The following SNX29 variants were observed in gnomAD, a reference collection of about 807,000 sequenced individuals.
The protein encoded by SNX29 is sorting nexin-29.
A neutral mutation model predicts 102.1 loss-of-function variants in SNX29; 78 were observed. The observed-to-expected ratio is 0.76, with a 90% CI of 0.64 to 0.92. The LOEUF (loss-of-function observed/expected upper bound fraction) is 0.92, where lower values mean the gene tolerates loss of function less well. Among genes scored for constraint, SNX29 ranks in the 40% least tolerant of loss-of-function variants. SNX29 has a pLI of 0.00. For missense variants in SNX29, 1,280 were observed against 1,061.7 expected, an observed-to-expected ratio of 1.21 and a Z score of -2.86; for synonymous variants, 580 against 414.5, an observed-to-expected ratio of 1.40 and a Z score of -4.85.
At chr16:12,285,737 C>A (rs987415110) in intron 15 of SNX29, among the ~76,000 whole-genome samples, 1 of 152,280 alleles carries the variant, frequency 6.6e-6, no homozygotes, top group Middle Eastern at 3.4e-3. Flanking sequence ...ATAAGAGCAG[C>A]ATGGGCTTTT....
chr16:12,042,254 C>T (rs1009005695), intron 4 of SNX29, among the ~76,000 whole-genome samples: 2 of 152,186 alleles, frequency 1.3e-5, no homozygotes, highest in African/African-American at 4.8e-5. Flanking sequence ...TGGTCTTGAA[C>T]TCCTAGCCTC....
intron 19 of SNX29, among the ~76,000 whole-genome samples, chr16:12,492,902 G>A (rs1224534224): frequency 1.3e-5 from 2 of 152,134 alleles, no homozygotes; most frequent in African/African-American, 4.8e-5. Flanking sequence ...TTCTGTTTTG[G>A]TACCAGTAAA....
At chr16:12,464,165 T>C (rs969528810) in intron 18 of SNX29, among the ~76,000 whole-genome samples, 1 of 151,606 alleles carries the variant, frequency 6.6e-6, no homozygotes, top group African/African-American at 2.4e-5. Flanking sequence ...CCCCTCCAGG[T>C]TTATCCATGT....
Position 12,075,898 on chromosome 16 carries a change from C to T in SNX29, c.1320-2935C>T, listed in dbSNP as rs551700338. 4.6e-5 allele frequency among the ~76,000 whole-genome samples: 7 copies of T among 152,350 alleles called. No homozygotes were observed. In the East Asian group the frequency reaches 5.8e-4, roughly 13 times the overall value. ...GGTGCCCCTCCACCAGCCTCGCTGC[C>T]GCCTTGCAGTTTGATCTCAGACTGC... On this transcript the variant is annotated intron_variant, in intron 10 of 20. Coordinates refer to ENST00000566228, the MANE Select transcript of SNX29 (RefSeq NM_032167.5).
chr16:12,432,014 G>C (rs2085337026), intron 18 of SNX29, among the ~76,000 whole-genome samples: 1 of 152,222 alleles, frequency 6.6e-6, no homozygotes, highest in African/African-American at 2.4e-5. Flanking sequence ...AGGAGTGCAG[G>C]CTTAATAAAC....
chr16:12,371,985 A>G (rs569097959), intron 16 of SNX29, among the ~76,000 whole-genome samples: 1 of 152,306 alleles, frequency 6.6e-6, no homozygotes, highest in South Asian at 2.1e-4. Context: ...AGTTATATAA[A>G]TAATATAAAA....
At chr16:12,086,742 T>G (rs574437115) in intron 11 of SNX29, 2 of 151,882 alleles carry the variant, frequency 1.3e-5, no homozygotes, top group South Asian at 4.2e-4. Flanking sequence ...TGAAGAAAAA[T>G]TTTCTTTTTA....
At chr16:12,089,100 A>G (rs981912080) in intron 11 of SNX29, among the ~76,000 whole-genome samples, 2 of 151,344 alleles carry the variant, frequency 1.3e-5, no homozygotes, top group African/African-American at 4.9e-5. Context: ...AGAAAGAAAG[A>G]AAGAGAGGAG....
chr16:12,431,434 C>CTTCTTTTTTTTTTTTTTTTTTTT (rs779738786), intron 18 of SNX29, among the ~76,000 whole-genome samples: 10 of 136,954 alleles, frequency 7.3e-5, no homozygotes, highest in African/African-American at 1.6e-4. Context: ...TCTTCTTCTT[C>CTTCTTTTTTTTTTTTTTTTTTTT]TTTTTTTTTT....
chr16:12,468,169 CTTTTTTTTTTTTTTT>C (rs59089512), intron 18 of SNX29, among the ~76,000 whole-genome samples: 10 of 92,662 alleles, frequency 1.1e-4, no homozygotes, highest in African/African-American at 4.1e-4. Flanking sequence ...ACTCTGACTC[CTTTTTTTTTTTTTTT>C]TTTTTTTTTT....
At position 12,149,894 on chromosome 16, in the gene SNX29, A is replaced by C. The variant is rs1023955311; in HGVS notation, c.1595+20136A>C. On this transcript the variant is annotated intron_variant, in intron 13 of 20. Transcript: ENST00000566228. ...ATCCTTCTGGAAGTTCCCAGAGTGC[A>C]CTCCAGTTAGAACAGTTTGTGCCAA... is the stretch of plus-strand genomic sequence containing the variant. Among the ~76,000 whole-genome samples, 4 of 152,066 alleles carry C rather than the reference A, an allele frequency of 2.6e-5. No individual in the cohort carries two copies. In the East Asian group the frequency reaches 7.7e-4, roughly 29 times the overall value.
At position 12,290,044 on chromosome 16, in the gene SNX29, G is replaced by T. The variant is rs556188479; in HGVS notation, c.1782+12008G>T. Among the ~76,000 whole-genome samples the T allele has an allele frequency of 2.0e-5, 3 of 152,206 alleles. No individual in the cohort carries two copies. In the East Asian group the frequency reaches 5.8e-4, roughly 29 times the overall value. Reference sequence around the variant, plus strand: ...AACGCTGAGACAGGGCGGAGGGAGGGACTTGTTGCATTTAATGCATGTAGA... The same window carrying T: ...AACGCTGAGACAGGGCGGAGGGAGGTACTTGTTGCATTTAATGCATGTAGA... On this transcript the variant is annotated intron_variant, in intron 15 of 20. Transcript: ENST00000566228.
intron 13 of SNX29, among the ~76,000 whole-genome samples, chr16:12,193,472 A>AAAAAC (rs893184285): frequency 1.4e-5 from 2 of 143,334 alleles, no homozygotes; most frequent in Non-Finnish European, 3.0e-5. Context: ...TCCATCTTCA[A>AAAAAC]AAAAAAAAAA....
intron 14 of SNX29, among the ~76,000 whole-genome samples, chr16:12,213,529 A>T (rs2077242946): frequency 6.6e-6 from 1 of 152,226 alleles, no homozygotes; most frequent in Non-Finnish European, 1.5e-5. Flanking sequence ...AATTGTTTGC[A>T]GTTTAAAAGT....
At chr16:12,276,532 T>C (rs1406288677) in intron 14 of SNX29, among the ~76,000 whole-genome samples, 1 of 152,198 alleles carries the variant, frequency 6.6e-6, no homozygotes, top group Non-Finnish European at 1.5e-5. Context: ...ACTGGGGGGC[T>C]AGTCTCAGAT....
At chr16:12,413,232 T>A (rs939570677) in intron 18 of SNX29, among the ~76,000 whole-genome samples, 1 of 151,960 alleles carries the variant, frequency 6.6e-6, no homozygotes, top group African/African-American at 2.4e-5. Context: ...GTGGGGAATG[T>A]CTCAAAACGG....
At position 12,570,740 on chromosome 16, in the gene SNX29, A is replaced by T. The variant is rs2079170040; in HGVS notation, c.*2111A>T. 1 of 231,980 alleles carries T rather than the reference A, an allele frequency of 4.3e-6. No individual in the cohort carries two copies. The highest frequency in any genetic ancestry group is 2.2e-5 in the African/African-American group (1 of 45,140). 14.4% of individuals were successfully genotyped at this position (231,980 alleles called of 1,614,324 possible). On this transcript the variant is annotated 3_prime_UTR_variant, in exon 21 of 21. Transcript: ENST00000566228. ...GAATTGGTCTCTCTCCAGATACCCC[A>T]CGAGGAAGCACCTTGGACATTCTGC...
chr16:12,456,547 A>G (rs1407584454), intron 18 of SNX29, among the ~76,000 whole-genome samples: 1 of 151,708 alleles, frequency 6.6e-6, no homozygotes, highest in Non-Finnish European at 1.5e-5. Flanking sequence ...ATCTGGCGAA[A>G]GTGATGTATA....
At chr16:12,513,885 G>C (rs1396748825) in intron 19 of SNX29, among the ~76,000 whole-genome samples, 1 of 152,234 alleles carries the variant, frequency 6.6e-6, no homozygotes, top group African/African-American at 2.4e-5. Context: ...TCTCTGTGGA[G>C]AGTTTTTAAG....
Sources: gnomAD v4.1 joint callset for allele counts (sites outside exome capture counted in the v4.1 genomes callset) on GRCh38, gnomAD v4.1.1 for gene constraint, MANE v1.5 for transcripts, NCBI Gene and HGNC (gene_info 2026-07-23, HGNC 2026-07-21) for gene names.